Variants in GNAO1 observed in about 807,000 individuals in gnomAD.
GNAO1 encodes G protein subunit alpha o1.
For synonymous variants in GNAO1, 164 were observed against 180.7 expected (o/e 0.91, Z 0.74); for missense variants, 166 against 478.7 (o/e 0.35, Z 6.10).
intron 3 of GNAO1, among the ~76,000 whole-genome samples, chr16:56,304,994 TC>T (rs1253834765): frequency 1.3e-5 from 2 of 152,058 alleles, no homozygotes; most frequent in Non-Finnish European, 2.9e-5. Flanking sequence ...CTTATTCTGC[TC>T]CCCCTGTGAC....
rs143866340 is a variant in GNAO1, at chr16:56,209,922, CT to C, written c.161+17308del. ...TAATCACCCAAAGTTCATGGTTTAC[CT>C]TAGGCTTTACTCTTGGTGGTGTACA... On this transcript the variant is annotated intron_variant, in intron 2 of 8. Coordinates refer to ENST00000262493, the MANE Select transcript of GNAO1 (RefSeq NM_020988.3). Among the ~76,000 whole-genome samples, 1,131 of 152,080 alleles carry C rather than the reference CT, an allele frequency of 7.4e-3. 12 individuals are homozygous for C. The highest frequency in any genetic ancestry group is 0.037 in the Middle Eastern group (11 of 294).
intron 2 of GNAO1, among the ~76,000 whole-genome samples, chr16:56,256,619 A>G (rs1438515616): frequency 6.6e-6 from 1 of 151,642 alleles, no homozygotes; most frequent in Non-Finnish European, 1.5e-5. Flanking sequence ...CCATGTTCTC[A>G]GGATCTGTTG....
chr16:56,259,584 C>G (rs1018772358), intron 2 of GNAO1, among the ~76,000 whole-genome samples: 1 of 152,238 alleles, frequency 6.6e-6, no homozygotes, highest in South Asian at 2.1e-4. Flanking sequence ...AGTGTCAGAG[C>G]TCTCCCTAGA....
intron 4 of GNAO1, among the ~76,000 whole-genome samples, chr16:56,330,824 C>T (rs954101859): frequency 6.6e-6 from 1 of 152,240 alleles, no homozygotes; most frequent in Non-Finnish European, 1.5e-5. Context: ...AGGAAATTCT[C>T]CTCCCTGCAG....
intron 3 of GNAO1, among the ~76,000 whole-genome samples, chr16:56,297,723 G>A (rs1187999366): frequency 8.5e-5 from 13 of 152,068 alleles, no homozygotes; most frequent in East Asian, 7.7e-4. Context: ...AAAATAACCC[G>A]GCAGTGCTGG....
chr16:56,339,415 G>A (rs1596874549), intron 6 of GNAO1, among the ~76,000 whole-genome samples: 1 of 152,378 alleles, frequency 6.6e-6, no homozygotes, highest in South Asian at 2.1e-4. Context: ...ACATTCAGAT[G>A]CCATGGCTAG....
chr16:56,295,329 G>A (rs927347801), intron 3 of GNAO1, among the ~76,000 whole-genome samples: 2 of 152,138 alleles, frequency 1.3e-5, no homozygotes, highest in African/African-American at 4.8e-5. Flanking sequence ...CTTCTCGTCT[G>A]TTCTCTGAGC....
intron 3 of GNAO1, among the ~76,000 whole-genome samples, chr16:56,291,699 A>G (rs1292443159): frequency 6.6e-6 from 1 of 152,146 alleles, no homozygotes; most frequent in Non-Finnish European, 1.5e-5. Flanking sequence ...TAGAATGGGT[A>G]ATTTAGAAAC....
intron 6 of GNAO1, among the ~76,000 whole-genome samples, chr16:56,350,693 C>CA (rs1265765276): frequency 6.6e-6 from 1 of 152,108 alleles, no homozygotes; most frequent in Non-Finnish European, 1.5e-5. Flanking sequence ...GTGGCCCTGC[C>CA]AGGAGCCTCT....
At chr16:56,232,769 G>A (rs987656004) in intron 2 of GNAO1, among the ~76,000 whole-genome samples, 2 of 152,076 alleles carry the variant, frequency 1.3e-5, no homozygotes, top group East Asian at 3.8e-4. Context: ...ACATATAATA[G>A]GCCTCCTCAA....
chr16:56,239,226 A>G (rs2036671153), intron 2 of GNAO1, among the ~76,000 whole-genome samples: 1 of 152,210 alleles, frequency 6.6e-6, no homozygotes, highest in African/African-American at 2.4e-5. Flanking sequence ...TCATCAGCCA[A>G]TTCATTGCCA....
At chr16:56,212,374 G>T (rs936203194) in intron 2 of GNAO1, among the ~76,000 whole-genome samples, 1 of 152,068 alleles carries the variant, frequency 6.6e-6, no homozygotes, top group Admixed American at 6.5e-5. Flanking sequence ...TCCTCCACCC[G>T]CAATGGTCCT....
chr16:56,295,944 A>C (rs1261279081), intron 3 of GNAO1, among the ~76,000 whole-genome samples: 2 of 152,220 alleles, frequency 1.3e-5, no homozygotes, highest in Non-Finnish European at 2.9e-5. Context: ...TTAGCCAAAC[A>C]GCAGTTAATT....
intron 2 of GNAO1, chr16:56,194,534 G>C (rs2036213329): frequency 3.3e-6 from 1 of 301,716 alleles, no homozygotes; most frequent in Non-Finnish European, 6.6e-6. Flanking sequence ...TCAGTTCGGC[G>C]ACGCTCGGCT....
intron 2 of GNAO1, among the ~76,000 whole-genome samples, chr16:56,222,915 C>T (rs1174751850): frequency 6.6e-6 from 1 of 152,058 alleles, no homozygotes; most frequent in Non-Finnish European, 1.5e-5. Context: ...GTGCACCCTG[C>T]GAGATGAGCT....
In GNAO1 at chr16:56,192,196, C is replaced by G; in HGVS notation, c.-40C>G. 8.3e-7 allele frequency: 1 copy of G among 1,199,682 alleles called. No homozygotes were observed. The highest frequency in any genetic ancestry group is 1.2e-6 in the Non-Finnish European group (1 of 823,220). 74.3% of individuals were successfully genotyped at this position (1,199,682 alleles called of 1,614,324 possible). A position where few individuals can be genotyped will look rare whatever the true frequency, so the allele number is the denominator to read the frequency against. The stretch of plus-strand genomic sequence containing the variant: ...GGGCGCTCCAAGCCGGGGAGCCGTG[C>G]CAGCCGAGTCGTGCGGGCTGTGGCA... On this transcript the variant is annotated 5_prime_UTR_variant, in exon 1 of 9. Coordinates refer to ENST00000262493, the MANE Select transcript of GNAO1 (RefSeq NM_020988.3).
chr16:56,228,884 T>C (rs2036560282), intron 2 of GNAO1, among the ~76,000 whole-genome samples: 1 of 152,256 alleles, frequency 6.6e-6, no homozygotes, highest in Non-Finnish European at 1.5e-5. Flanking sequence ...CTGACGTGTA[T>C]ATATAGATAA....
At position 56,346,222 on chromosome 16, in the gene GNAO1, C is replaced by T. The variant is rs757448509; in HGVS notation, c.724-5162C>T. 472 of 985,334 alleles carry T rather than the reference C, an allele frequency of 4.8e-4. 1 individual carries two copies. The highest frequency in any genetic ancestry group is 2.2e-3 in the Admixed American group (35 of 16,262). The allele number at this position is 985,334 out of a possible 1,614,324, so 61.0% of individuals were successfully genotyped here. On this transcript the variant is annotated intron_variant, in intron 6 of 8. Transcript: ENST00000262493. The stretch of plus-strand genomic sequence containing the variant: ...TGTGCATGACACCTGTCATCCATGT[C>T]GTAACCAGCGGCTCCATCTTGTGGG...
intron 2 of GNAO1, among the ~76,000 whole-genome samples, chr16:56,205,310 A>G (rs1236722033): frequency 1.3e-5 from 2 of 152,240 alleles, no homozygotes; most frequent in Admixed American, 6.5e-5. Flanking sequence ...GGAAAGAAAA[A>G]GGAAGGCTGT....
Sources: gnomAD v4.1 joint callset for allele counts (sites outside exome capture counted in the v4.1 genomes callset) on GRCh38, gnomAD v4.1.1 for gene constraint, MANE v1.5 for transcripts, NCBI Gene and HGNC (gene_info 2026-07-23, HGNC 2026-07-21) for gene names.